LMF1: variants seen among roughly 807,000 people sequenced by gnomAD.
LMF1 encodes transmembrane protein 112.
Under a neutral mutation model 60.6 loss-of-function variants are expected in LMF1, and 68 were observed. That is an observed-to-expected ratio of 1.12 (90% CI 0.92 to 1.37). LMF1 has a LOEUF of 1.37. Ranked by LOEUF, LMF1 falls within the 40% of genes most tolerant of loss-of-function variation. The pLI, the probability that LMF1 is intolerant of heterozygous loss-of-function variation, is 0.00. For synonymous variants in LMF1, 418 were observed against 324.7 expected, an observed-to-expected ratio of 1.29 and a Z score of -3.09; for missense variants, 948 against 767.2, an observed-to-expected ratio of 1.24 and a Z score of -2.78.
chr16:972,512 C>T (rs1354685652), upstream of LMF1, among the ~76,000 whole-genome samples: 1 of 152,202 alleles, frequency 6.6e-6, no homozygotes, highest in Non-Finnish European at 1.5e-5. Context: ...CGGCACAGCC[C>T]ACACTGTTCC....
At chr16:877,746 G>C (rs1299443725) in intron 6 of LMF1, among the ~76,000 whole-genome samples, 1 of 152,142 alleles carries the variant, frequency 6.6e-6, no homozygotes, top group Non-Finnish European at 1.5e-5. Flanking sequence ...CGCCCAGCAG[G>C]GGAGAAAGGG....
intron 3 of LMF1, among the ~76,000 whole-genome samples, chr16:914,227 C>G (rs964987755): frequency 6.6e-6 from 1 of 152,040 alleles, no homozygotes; most frequent in African/African-American, 2.4e-5. Flanking sequence ...CCTGACCCCT[C>G]CTGGGAGGGG....
At chr16:944,660 G>T (rs1889902227) in intron 2 of LMF1, among the ~76,000 whole-genome samples, 1 of 152,220 alleles carries the variant, frequency 6.6e-6, no homozygotes, top group African/African-American at 2.4e-5. Context: ...CCATGGACGG[G>T]CATGGAGTCC....
chr16:912,863 G>A (rs923753463), intron 3 of LMF1, among the ~76,000 whole-genome samples: 6 of 152,234 alleles, frequency 3.9e-5, no homozygotes, highest in South Asian at 2.1e-4. Context: ...TCAGCGTGGC[G>A]GACAACGCGT....
At chr16:895,007 C>G (rs1396102251) in intron 4 of LMF1, among the ~76,000 whole-genome samples, 1 of 152,110 alleles carries the variant, frequency 6.6e-6, no homozygotes, top group East Asian at 1.9e-4. Flanking sequence ...AGGGTGAGGG[C>G]GCCCCCCTCA....
At chr16:949,484 T>A (rs2072373352) in intron 2 of LMF1, among the ~76,000 whole-genome samples, 1 of 123,978 alleles carries the variant, frequency 8.1e-6, no homozygotes, top group African/African-American at 3.1e-5. Flanking sequence ...AACGACAGAG[T>A]CAGAGACAAC....
chr16:879,800 G>A lies in LMF1; in HGVS notation c.730-63C>T, dbSNP rs970958287. The A allele has an allele frequency of 6.1e-6, 9 of 1,486,438 alleles. No individual in the cohort carries two copies. In the African/African-American group the frequency reaches 1.3e-4, roughly 21 times the overall value. 92.1% of individuals were successfully genotyped at this position (1,486,438 alleles called of 1,614,324 possible). ...TCTCGGGGGGCGGGGCTAGGGAGAG[G>A]CTTGTGGGTCCCTGGCCCCCTGACC... On this transcript the variant is annotated intron_variant, in intron 5 of 10. Transcript: ENST00000262301.
chr16:924,328 T>A (rs1346497522), intron 3 of LMF1, among the ~76,000 whole-genome samples: 1 of 152,252 alleles, frequency 6.6e-6, no homozygotes, highest in African/African-American at 2.4e-5. Context: ...GAGAACAGCA[T>A]GTGGCTGAGA....
intron 2 of LMF1, among the ~76,000 whole-genome samples, chr16:944,415 A>T (rs2151453789): frequency 6.6e-6 from 1 of 152,368 alleles, no homozygotes; most frequent in Non-Finnish European, 1.5e-5. Flanking sequence ...CTTGCCGCAC[A>T]AATGCAAGCT....
At chr16:981,446 ACT>A, upstream of LMF1, 1 of 283,202 alleles carries the variant, frequency 3.5e-6, no homozygotes, top group Non-Finnish European at 7.5e-6. Context: ...CGGGGGGCGG[ACT>A]CTCAGGAGCC....
intron 10 of LMF1, among the ~76,000 whole-genome samples, chr16:860,870 C>G (rs1157218413): frequency 6.6e-6 from 1 of 152,198 alleles, no homozygotes; most frequent in Non-Finnish European, 1.5e-5. Flanking sequence ...ACTGTGTTGA[C>G]TACTGTAGTT....
intron 3 of LMF1, among the ~76,000 whole-genome samples, chr16:918,416 G>A (rs1361259311): frequency 6.6e-6 from 1 of 152,340 alleles, no homozygotes; most frequent in South Asian, 2.1e-4. Context: ...GGATAAATAC[G>A]AAAATGCTTC....
chr16:923,254 G>A (rs1228950878), intron 3 of LMF1, among the ~76,000 whole-genome samples: 5 of 152,332 alleles, frequency 3.3e-5, no homozygotes, highest in Non-Finnish European at 7.4e-5. Context: ...AGTGTGGGGC[G>A]GATGTGGCAG....
chr16:960,492 G>C (rs919483579), intron 1 of LMF1, among the ~76,000 whole-genome samples: 4 of 139,254 alleles, frequency 2.9e-5, no homozygotes, highest in East Asian at 2.1e-4. Context: ...GACTCACGGT[G>C]ACAACACTGG....
chr16:916,066 G>C (rs2071272215), intron 3 of LMF1, among the ~76,000 whole-genome samples: 1 of 152,212 alleles, frequency 6.6e-6, no homozygotes, highest in Non-Finnish European at 1.5e-5. Flanking sequence ...TGAGGGGCCA[G>C]TGGGTTGTGG....
chr16:954,117 C>G (rs764148435), intron 2 of LMF1: 3 of 635,422 alleles, frequency 4.7e-6, no homozygotes, highest in Non-Finnish European at 8.7e-6. Context: ...AAGCTGGCAA[C>G]GCAGTCCTTT....
rs553863984 is a variant in LMF1 at position 910,733 on chromosome 16, G to A, written c.663+198C>T. Among the ~76,000 whole-genome samples, 8 of 152,266 alleles carry A rather than the reference G, an allele frequency of 5.3e-5. No homozygotes were observed. In the South Asian group the frequency reaches 8.3e-4, roughly 16 times the overall value. ...AGAAACAGGGATCATGAGCATGCCCGGGAAAAGCCAGCCGGTCCCCAGCAT... is the reference window on the plus strand; with the variant it reads ...AGAAACAGGGATCATGAGCATGCCCAGGAAAAGCCAGCCGGTCCCCAGCAT... On this transcript the variant is annotated intron_variant, in intron 4 of 10. Transcript: ENST00000262301.
intron 3 of LMF1, among the ~76,000 whole-genome samples, chr16:931,377 G>A (rs1343655155): frequency 6.6e-6 from 1 of 152,272 alleles, no homozygotes; most frequent in Non-Finnish European, 1.5e-5. Context: ...CAGGGTCCCA[G>A]TGACCGACCC....
chr16:868,847 C>A, intron 10 of LMF1, 97 bp downstream of exon 10: 1 of 807,886 alleles, frequency 1.2e-6, no homozygotes, highest in East Asian at 2.5e-5. Flanking sequence ...GGGGCGCTTC[C>A]CGTGAGCAGG....
Sources: gnomAD v4.1 joint callset for allele counts (sites outside exome capture counted in the v4.1 genomes callset) on GRCh38, gnomAD v4.1.1 for gene constraint, MANE v1.5 for transcripts, NCBI Gene and HGNC (gene_info 2026-07-23, HGNC 2026-07-21) for gene names.